AQP5: variants seen among roughly 807,000 people sequenced by gnomAD.
The protein encoded by AQP5 is aquaporin 5.
Under a neutral mutation model 19.1 loss-of-function variants are expected in AQP5, and 15 were observed. The observed-to-expected ratio is 0.79, with a 90% CI of 0.53 to 1.21. The LOEUF (loss-of-function observed/expected upper bound fraction) is 1.21, where lower values mean the gene tolerates loss of function less well. AQP5 is among the 50% of genes most tolerant of loss of function. The pLI is 0.00. For missense variants in AQP5, 355 were observed against 357.1 expected, an observed-to-expected ratio of 0.99 and a Z score of 0.05; for synonymous variants, 182 against 160.3, an observed-to-expected ratio of 1.14 and a Z score of -1.02.
rs1412639721 is a variant in AQP5, at chr12:49,962,324, GGCATCCTCTACGGTGTGGCAC to G, written c.308_328del (p.Gly103_Pro110delinsAla). ...GCTGGTGGGCGCCATTGCCGGGGCT[GGCATCCTCTACGGTGTGGCAC>G]CGCTCAATGCCCGGGGCAATCTGGC... On this transcript the variant is annotated inframe_deletion, in exon 1 of 4. Coordinates refer to ENST00000293599, the MANE Select transcript of AQP5 (RefSeq NM_001651.4). 1 of 1,606,782 alleles carries G rather than the reference GGCATCCTCTACGGTGTGGCAC, an allele frequency of 6.2e-7. No individual in the cohort carries two copies. The highest frequency in any genetic ancestry group is 8.5e-7 in the Non-Finnish European group (1 of 1,179,818).
chr12:49,963,649 T>G lies in AQP5; in HGVS notation c.521T>G (p.Leu174Arg). Residue 174 changes from leucine (L) to arginine (R), a missense_variant, in exon 2 of 4, where the codon CTT (leucine) becomes CGT (arginine). By Grantham distance (102) the Leu-to-Arg change is moderately radical. Transcript: ENST00000293599. ...GGCCTGTCTGTCACCCTGGGCCACC[T>G]TGTCGGAGTGAGCAGTACCGACATT... Reference protein sequence around the residue: ...SIGLSVTLGHLVGIYFTGCSM... With the variant: ...SIGLSVTLGHRVGIYFTGCSM... 1.2e-6 allele frequency: 2 copies of G among 1,613,376 alleles called. No individual in the cohort carries two copies. The highest frequency in any genetic ancestry group is 1.7e-6 in the Non-Finnish European group (2 of 1,179,910).
At position 49,965,359 on chromosome 12, in the gene AQP5, G is replaced by C. The variant is rs147151058; in HGVS notation, c.*182G>C. The C allele has an allele frequency of 1.4e-6, 1 of 713,196 alleles. No homozygotes were observed. Among genetic ancestry groups the C allele is most frequent in the Non-Finnish European group, 2.2e-6 (1 of 451,682 alleles). 44.2% of individuals were successfully genotyped at this position (713,196 alleles called of 1,614,324 possible). ...CCCATGATGGGACTCCTGGGGTAGG[G>C]GCCAGGGGCTGGGGTCTGCTGGGGA... On this transcript the variant is annotated 3_prime_UTR_variant, in exon 4 of 4. Transcript: ENST00000293599.
At position 49,964,982 on chromosome 12, in the gene AQP5, T is replaced by C. The variant is rs1947473780; in HGVS notation, c.613-10T>C. 6.2e-7 allele frequency: 1 copy of C among 1,610,570 alleles called. No homozygotes were observed. The highest frequency in any genetic ancestry group is 8.5e-7 in the Non-Finnish European group (1 of 1,178,336). Reference sequence around the variant, plus strand: ...GCTCAGCGCCCTGACTCCTGCCCTGTCTCCACCAGGTTTTCTGGGTAGGGC... The same window carrying C: ...GCTCAGCGCCCTGACTCCTGCCCTGCCTCCACCAGGTTTTCTGGGTAGGGC... On this transcript the variant is annotated splice_polypyrimidine_tract_variant and intron_variant, in intron 3 of 3. Transcript: ENST00000293599.
Position 49,961,934 on chromosome 12 carries a change from C to CCCGCCGCATCCACCTCCT in AQP5, c.-76_-59dup. 1.1e-6 allele frequency: 1 copy of CCCGCCGCATCCACCTCCT among 904,886 alleles called. No homozygotes were observed. Among genetic ancestry groups the CCCGCCGCATCCACCTCCT allele is most frequent in the African/African-American group, 1.8e-5 (1 of 56,642 alleles). 56.1% of individuals were successfully genotyped at this position (904,886 alleles called of 1,614,324 possible). On this transcript the variant is annotated 5_prime_UTR_variant, in exon 1 of 4. Transcript: ENST00000293599. The stretch of plus-strand genomic sequence containing the variant: ...GGCGCCCCGCAGCCAGGCCCCCGCC[C>CCCGCCGCATCCACCTCCT]CCGCCGCATCCACCTCCTCCGCCGC...
chr12:49,961,989 G>T lies in AQP5; in HGVS notation c.-29G>T. 1 of 1,329,382 alleles carries T rather than the reference G, an allele frequency of 7.5e-7. No homozygotes were observed. The highest frequency in any genetic ancestry group is 1.5e-5 in the African/African-American group (1 of 66,196). The allele number at this position is 1,329,382 out of a possible 1,614,324, so 82.3% of individuals were successfully genotyped here. ...GACCCAACGGGCGCCCCCCGCCGCG[G>T]CAGCTGCCGCCGGGCCCCCGCGGCC... On this transcript the variant is annotated 5_prime_UTR_variant, in exon 1 of 4. Coordinates refer to ENST00000293599, the MANE Select transcript of AQP5 (RefSeq NM_001651.4).
intron 3 of AQP5, 36 bp from the exon 4 acceptor site, chr12:49,964,956 G>A (rs1565641675): frequency 6.3e-7 from 1 of 1,591,868 alleles, no homozygotes; most frequent in Non-Finnish European, 8.5e-7. Context: ...CAAGGTCTGG[G>A]GCTCAGCGCC....
At chr12:49,962,567 C>T in intron 1 of AQP5, 187 bp downstream of exon 1, 1 of 711,402 alleles carries the variant, frequency 1.4e-6, no homozygotes, top group Non-Finnish European at 2.1e-6. Context: ...TTCCTGCCCA[C>T]CTCCTCTCCC....
chr12:49,964,375 G>C (rs1048114309), intron 3 of AQP5, among the ~76,000 whole-genome samples, 200 bp downstream of exon 3: 2 of 152,160 alleles, frequency 1.3e-5, no homozygotes, highest in Middle Eastern at 3.2e-3. Context: ...GGCCTGAACC[G>C]CTGGGGACAG....
At position 49,962,358 on chromosome 12, in the gene AQP5, G is replaced by A. The variant is rs1234813760; in HGVS notation, c.341G>A (p.Arg114Gln). 12 of 1,596,320 alleles carry A rather than the reference G, an allele frequency of 7.5e-6. No individual in the cohort carries two copies. The highest frequency in any genetic ancestry group is 4.4e-5 in the South Asian group (4 of 90,254). The change falls in exon 1 of 4, where the codon CGG becomes CAG. Residue 114 changes from arginine to glutamine, a missense_variant. Transcript: ENST00000293599. ...ILYGVAPLNA[R>Q]GNLAVNALNN... ...TACGGTGTGGCACCGCTCAATGCCC[G>A]GGGCAATCTGGCCGTCAACGCGGTG...
chr12:49,962,573 C>T (rs1947441927), intron 1 of AQP5, 193 bp downstream of exon 1: 2 of 686,234 alleles, frequency 2.9e-6, no homozygotes, highest in Non-Finnish European at 4.3e-6. Context: ...CCCACCTCCT[C>T]TCCCCCTCCC....
In AQP5 at chr12:49,963,648, C is replaced by A. The variant is rs543679570; in HGVS notation, c.520C>A (p.Leu174Ile). Residue 174 changes from leucine (L) to isoleucine (I), a missense_variant, in exon 2 of 4, where the codon CTT (leucine) becomes ATT (isoleucine). By Grantham distance (5) the Leu-to-Ile change is conservative. Transcript: ENST00000293599. ...TGGCCTGTCTGTCACCCTGGGCCAC[C>A]TTGTCGGAGTGAGCAGTACCGACAT... ...SIGLSVTLGH[L>I]VGIYFTGCSM... 1 of 1,613,384 alleles carries A rather than the reference C, an allele frequency of 6.2e-7. No individual in the cohort carries two copies. The highest frequency in any genetic ancestry group is 1.3e-5 in the African/African-American group (1 of 75,076).
At chr12:49,963,144 G>A (rs754575650) in intron 1 of AQP5, among the ~76,000 whole-genome samples, 7 of 152,238 alleles carry the variant, frequency 4.6e-5, no homozygotes, top group Non-Finnish European at 4.4e-5. Flanking sequence ...CGGGCAGGAG[G>A]CCGGGATGGG....
chr12:49,965,141 A>G lies in AQP5; in HGVS notation c.762A>G (p.Glu254=). ...EPDEDWEEQR[E]ERKKTMELTT... ...ACGAGGACTGGGAGGAGCAGCGGGA[A>G]GAGCGGAAGAAGACCATGGAGCTGA... Residue 254 remains glutamate (E), a synonymous_variant, in exon 4 of 4, where the codon GAA becomes GAG. Coordinates refer to ENST00000293599, the MANE Select transcript of AQP5 (RefSeq NM_001651.4). 6.2e-7 allele frequency: 1 copy of G among 1,613,534 alleles called. No individual in the cohort carries two copies. Among genetic ancestry groups the G allele is most frequent in the Non-Finnish European group, 8.5e-7 (1 of 1,179,754 alleles).
chr12:49,965,268 C>T lies in AQP5; in HGVS notation c.*91C>T, dbSNP rs1003764614. 1.3e-5 allele frequency: 18 copies of T among 1,394,648 alleles called. No individual in the cohort carries two copies. Among genetic ancestry groups the T allele is most frequent in the African/African-American group, 4.4e-5 (3 of 68,772 alleles). 86.4% of individuals were successfully genotyped at this position (1,394,648 alleles called of 1,614,324 possible). The stretch of plus-strand genomic sequence containing the variant: ...AACACAAGCTTCCTTTTTGCACAAC[C>T]GGTCCTCTTGGCTGAGGAGGAGGAG... On this transcript the variant is annotated 3_prime_UTR_variant, in exon 4 of 4. Transcript: ENST00000293599.
In AQP5 at chr12:49,965,057, C is replaced by T; in HGVS notation, c.678C>T (p.Phe226=). 1 of 1,614,076 alleles carries T rather than the reference C, an allele frequency of 6.2e-7. No individual in the cohort carries two copies. Among genetic ancestry groups the T allele is most frequent in the Non-Finnish European group, 8.5e-7 (1 of 1,180,012 alleles). Residue 226 remains phenylalanine, a synonymous_variant, in exon 4 of 4, where the codon TTC becomes TTT. Coordinates refer to ENST00000293599, the MANE Select transcript of AQP5 (RefSeq NM_001651.4). ...LAAILYFYLL[F]PNSLSLSERV... ...CCATCCTTTACTTCTACCTGCTCTT[C>T]CCCAACTCCCTGAGCCTGAGTGAGC... is the stretch of plus-strand genomic sequence containing the variant.
rs777799527 is a variant in AQP5 at position 49,962,292 on chromosome 12, C to T, written c.275C>T (p.Ala92Val). 10 of 1,607,506 alleles carry T rather than the reference C, an allele frequency of 6.2e-6. No homozygotes were observed. The South Asian group carries it at 6.6e-5, about 11-fold the overall frequency. Reference sequence around the variant, plus strand: ...CTGCTCCGGGCTTTCTTCTACGTGGCGGCCCAGCTGGTGGGCGCCATTGCC... The same window carrying T: ...CTGCTCCGGGCTTTCTTCTACGTGGTGGCCCAGCTGGTGGGCGCCATTGCC... Reference protein sequence around the residue: ...ISLLRAFFYVAAQLVGAIAGA... With the variant: ...ISLLRAFFYVVAQLVGAIAGA... The change falls in exon 1 of 4, where the codon GCG (alanine) becomes GTG (valine). Residue 92 changes from alanine (A) to valine (V), a missense_variant. Ala to Val is a moderately conservative substitution (Grantham distance 64). Coordinates refer to ENST00000293599, the MANE Select transcript of AQP5 (RefSeq NM_001651.4).
chr12:49,963,997 A>G, intron 2 of AQP5, 95 bp from the exon 3 acceptor site: 1 of 1,275,224 alleles, frequency 7.8e-7, no homozygotes, highest in Non-Finnish European at 1.1e-6. Context: ...GACCTGGCTG[A>G]GCCCCTGGAC....
chr12:49,962,227 C>T lies in AQP5; in HGVS notation c.210C>T (p.Pro70=), dbSNP rs1162999373. The stretch of plus-strand genomic sequence containing the variant: ...CCGTGAGCGGCGGCCACATCAACCC[C>T]GCCATCACCCTGGCCCTCTTGGTGG... The part of the protein sequence containing the change: ...LGPVSGGHIN[P]AITLALLVGN... The change falls in exon 1 of 4, where the codon CCC becomes CCT. Residue 70 remains proline, a synonymous_variant. Coordinates refer to ENST00000293599, the MANE Select transcript of AQP5 (RefSeq NM_001651.4). 13 of 1,606,488 alleles carry T rather than the reference C, an allele frequency of 8.1e-6. No homozygotes were observed. The Admixed American group carries it at 2.0e-4, about 25-fold the overall frequency.
intron 3 of AQP5, 26 bp from the exon 4 acceptor site, chr12:49,964,966 C>A: frequency 6.2e-7 from 1 of 1,602,486 alleles, no homozygotes. Context: ...GGCTCAGCGC[C>A]CTGACTCCTG....
Sources: gnomAD v4.1 joint callset for allele counts (sites outside exome capture counted in the v4.1 genomes callset) on GRCh38, gnomAD v4.1.1 for gene constraint, MANE v1.5 for transcripts, NCBI Gene and HGNC (gene_info 2026-07-23, HGNC 2026-07-21) for gene names.